SAMD13: variants seen among roughly 807,000 people sequenced by gnomAD.
SAMD13 encodes sterile alpha motif domain-containing protein 13.
In SAMD13, 9 loss-of-function variants were observed where a neutral mutation model predicts 12.4. The ratio of observed to expected loss-of-function variants is 0.72; its 90% CI spans 0.44 to 1.26. The LOEUF (loss-of-function observed/expected upper bound fraction) is 1.26. Ranked by LOEUF, SAMD13 falls within the 50% of genes most tolerant of loss-of-function variation. SAMD13 has a pLI of 0.00. For synonymous variants in SAMD13, 46 were observed against 45.4 expected (o/e 1.01, Z -0.05); for missense variants, 84 against 119.6 (o/e 0.70, Z 1.39).
chr1:84,328,743 A>G (rs180802569), intron 3 of SAMD13, among the ~76,000 whole-genome samples: 1 of 152,302 alleles, frequency 6.6e-6, no homozygotes, highest in African/African-American at 2.4e-5. Flanking sequence ...TCCTGATTAG[A>G]AAATGCAGGC....
intron 2 of SAMD13, chr1:84,303,901 CATA>C (rs1273914343): frequency 3.9e-5 from 6 of 152,094 alleles, no homozygotes; most frequent in Non-Finnish European, 8.8e-5. Flanking sequence ...GCACATGTAA[CATA>C]ATATTTTGAT....
rs114829401 is a variant in SAMD13 at position 84,328,587 on chromosome 1, C to T, written c.165+2839C>T. Among the ~76,000 whole-genome samples the T allele has an allele frequency of 4.8e-3, 735 of 152,196 alleles. 11 individuals are homozygous for T. The highest frequency in any genetic ancestry group is 0.015 in the African/African-American group (638 of 41,502). On this transcript the variant is annotated intron_variant, in intron 3 of 3. Coordinates refer to ENST00000394834, the MANE Select transcript of SAMD13 (RefSeq NM_001134663.2). ...CCAGGCTTAGGATGGTAAGATAAGT[C>T]GCTGCTGTGATATTCATGAGGACTG...
At chr1:84,306,808 G>A (rs916986298) in intron 2 of SAMD13, among the ~76,000 whole-genome samples, 3 of 148,252 alleles carry the variant, frequency 2.0e-5, no homozygotes, top group African/African-American at 5.0e-5. Context: ...TCCAGCCTGG[G>A]TGACAGTGAG....
At chr1:84,326,620 A>T (rs1275537928) in intron 3 of SAMD13, among the ~76,000 whole-genome samples, 3 of 152,182 alleles carry the variant, frequency 2.0e-5, no homozygotes, top group African/African-American at 7.2e-5. Context: ...GTGGGTAAAC[A>T]CAGAGTTCCT....
chr1:84,333,928 T>C (rs923759999), intron 3 of SAMD13, among the ~76,000 whole-genome samples: 3 of 152,286 alleles, frequency 2.0e-5, no homozygotes, highest in Non-Finnish European at 4.4e-5. Flanking sequence ...AGATTAGCTT[T>C]TTGATATGCT....
rs1378126729 is a variant in SAMD13, at chr1:84,301,785, T to G, written c.-49T>G. 1.0e-6 allele frequency: 1 copy of G among 984,936 alleles called. No individual in the cohort carries two copies. The highest frequency in any genetic ancestry group is 1.1e-4 in the East Asian group (1 of 8,818). The allele number at this position is 984,936 out of a possible 1,614,324, so 61.0% of individuals were successfully genotyped here. On this transcript the variant is annotated 5_prime_UTR_variant, in exon 1 of 4. The change creates a new upstream start codon in the 5' untranslated region. Transcript: ENST00000394834. ...TTGATAAGCCTATAAAAAATGATAT[T>G]TTTTAGTTGCTTATAGGTAGGTTTT...
chr1:84,338,032 T>C (rs1679339483), intron 3 of SAMD13, among the ~76,000 whole-genome samples: 1 of 152,230 alleles, frequency 6.6e-6, no homozygotes, highest in South Asian at 2.1e-4. Context: ...CACCTCAGCC[T>C]ATACCTTATT....
intron 2 of SAMD13, among the ~76,000 whole-genome samples, chr1:84,304,476 CTTAATTGTAA>C (rs1337063502): frequency 6.6e-6 from 1 of 152,144 alleles, no homozygotes; most frequent in African/African-American, 2.4e-5. Context: ...TTTAATTTTA[CTTAATTGTAA>C]TTAGTTTTAA....
intron 3 of SAMD13, among the ~76,000 whole-genome samples, chr1:84,336,447 C>T (rs535781931): frequency 2.6e-5 from 4 of 152,164 alleles, no homozygotes; most frequent in Non-Finnish European, 5.9e-5. Context: ...AGGAGCAAGT[C>T]ACATCTTATG....
chr1:84,329,152 A>G (rs146227674), intron 3 of SAMD13, among the ~76,000 whole-genome samples: 1 of 152,228 alleles, frequency 6.6e-6, no homozygotes, highest in East Asian at 1.9e-4. Context: ...TAAGAAGAGA[A>G]CAAGACACCA....
intron 3 of SAMD13, among the ~76,000 whole-genome samples, chr1:84,334,182 C>G (rs979486288): frequency 6.6e-6 from 1 of 151,996 alleles, no homozygotes; most frequent in Non-Finnish European, 1.5e-5. Context: ...CCATCTGGTC[C>G]TGGGCTGCTT....
At chr1:84,317,652 A>G (rs1320899082) in intron 2 of SAMD13, among the ~76,000 whole-genome samples, 2 of 151,970 alleles carry the variant, frequency 1.3e-5, no homozygotes, top group African/African-American at 4.8e-5. Flanking sequence ...ATTGGCCTAT[A>G]ATTTTCTTTT....
chr1:84,335,048 A>G (rs1396451320), intron 3 of SAMD13, among the ~76,000 whole-genome samples: 1 of 152,140 alleles, frequency 6.6e-6, no homozygotes, highest in Non-Finnish European at 1.5e-5. Flanking sequence ...AGAGTTCTGT[A>G]GATGTCTTTT....
At chr1:84,311,332 T>TAAAAAAA (rs757714939) in intron 2 of SAMD13, among the ~76,000 whole-genome samples, 1 of 112,242 alleles carries the variant, frequency 8.9e-6, no homozygotes, top group African/African-American at 3.4e-5. Context: ...TGAGACTGTC[T>TAAAAAAA]AAAAAAAAAA....
intron 3 of SAMD13, among the ~76,000 whole-genome samples, chr1:84,342,520 T>C (rs1679450075): frequency 6.6e-6 from 1 of 151,850 alleles, no homozygotes; most frequent in African/African-American, 2.4e-5. Context: ...CCTAGACCAA[T>C]AGAACAGAAT....
chr1:84,337,111 A>C (rs187088630), intron 3 of SAMD13, among the ~76,000 whole-genome samples: 1 of 152,154 alleles, frequency 6.6e-6, no homozygotes, highest in Non-Finnish European at 1.5e-5. Flanking sequence ...GGCTGCTTTC[A>C]TGGGCTGGTA....
chr1:84,329,388 C>T (rs1679128758), intron 3 of SAMD13, among the ~76,000 whole-genome samples: 1 of 152,198 alleles, frequency 6.6e-6, no homozygotes, highest in South Asian at 2.1e-4. Flanking sequence ...TGTCCACCAT[C>T]AGATGGCCTG....
intron 3 of SAMD13, among the ~76,000 whole-genome samples, chr1:84,342,973 T>C (rs1679461969): frequency 6.6e-6 from 1 of 152,064 alleles, no homozygotes; most frequent in Admixed American, 6.6e-5. Context: ...AAAGGTCTAA[T>C]ATCCAGAATC....
At position 84,325,734 on chromosome 1, in the gene SAMD13, G is replaced by A. The variant is rs761234994; in HGVS notation, c.151G>A (p.Ala51Thr). 6.2e-7 allele frequency: 1 copy of A among 1,609,194 alleles called. No homozygotes were observed. The highest frequency in any genetic ancestry group is 8.5e-7 in the Non-Finnish European group (1 of 1,175,726). ...CGTGGGATTTGAGGAGCAAGCTAGT[G>A]CTTTTCAGGAACAGGTAACTTGGTC... ...RTVGFEEQAS[A>T]FQEQEIDGKS... is the part of the protein sequence containing the mutation. The change falls in exon 3 of 4, where the codon GCT becomes ACT. Residue 51 changes from alanine (A) to threonine (T), a missense_variant. Physicochemically the swap from Ala to Thr is moderately conservative, Grantham distance 58. Transcript: ENST00000394834.
Sources: allele counts gnomAD v4.1 joint callset (sites outside exome capture counted in the v4.1 genomes callset), GRCh38; gene constraint gnomAD v4.1.1; transcripts MANE v1.5; gene names NCBI Gene and HGNC (gene_info 2026-07-23, HGNC 2026-07-21).